The following HDAC7 variants were observed in gnomAD, a reference collection of about 807,000 sequenced individuals.
HDAC7 encodes the protein histone deacetylase 7, also known as histone deacetylase 7A.
Under a neutral mutation model 115.5 loss-of-function variants are expected in HDAC7, and 26 were observed. That is an observed-to-expected ratio of 0.23 (90% CI 0.16 to 0.31). The LOEUF (loss-of-function observed/expected upper bound fraction) is 0.31, where lower values mean the gene tolerates loss of function less well. Among genes scored for constraint, HDAC7 ranks in the 10% least tolerant of loss-of-function variants. The probability of loss-of-function intolerance (pLI) is 1.00; values close to 1 mark genes in which losing one functional copy is unlikely to be tolerated. For synonymous variants in HDAC7, 564 were observed against 550.9 expected (o/e 1.02, Z -0.33); for missense variants, 1,068 against 1,329.0 (o/e 0.80, Z 3.05).
At position 47,797,275 on chromosome 12, in the gene HDAC7, ATGATC is replaced by A; in HGVS notation, c.577+104_577+108del. On this transcript the variant is annotated intron_variant, in intron 6 of 25. Coordinates refer to ENST00000080059, the MANE Select transcript of HDAC7 (RefSeq NM_015401.5). The surrounding 1 kb of genome is among the most constrained non-coding windows in gnomAD (Gnocchi z 5.5). ...CTAGAAAGAAGATCCTAGCCTACCGATGATCTCCTGGCCCAGCCCAGCCCGCCCAC... is the reference window on the plus strand; with the variant it reads ...CTAGAAAGAAGATCCTAGCCTACCGATCCTGGCCCAGCCCAGCCCGCCCAC... The A allele has an allele frequency of 6.4e-7, 1 of 1,550,490 alleles. No homozygotes were observed. Among genetic ancestry groups the A allele is most frequent in the Admixed American group, 1.7e-5 (1 of 58,134 alleles).
Position 47,785,475 on chromosome 12 carries a change from T to C in HDAC7, c.2707-4A>G, listed in dbSNP as rs764318230. ...CTTCTTCTGAAAGGGGATCCACCTATAGAAAACAGTACATCAGCCACCAGT... is the reference window on the plus strand; with the variant it reads ...CTTCTTCTGAAAGGGGATCCACCTACAGAAAACAGTACATCAGCCACCAGT... On this transcript the variant is annotated splice_region_variant and splice_polypyrimidine_tract_variant and intron_variant, in intron 23 of 25. Transcript: ENST00000080059. The C allele has an allele frequency of 5.6e-6, 9 of 1,609,068 alleles. No individual in the cohort carries two copies. The South Asian group carries it at 6.6e-5, about 12-fold the overall frequency.
chr12:47,789,193 C>G (rs2136924084), intron 19 of HDAC7, 68 bp downstream of exon 19: 1 of 1,216,084 alleles, frequency 8.2e-7, no homozygotes, highest in South Asian at 1.2e-5. Flanking sequence ...AGCCGCATCT[C>G]TAACATCAGG....
chr12:47,784,783 C>T, intron 24 of HDAC7: 1 of 1,535,450 alleles, frequency 6.5e-7, no homozygotes, highest in Admixed American at 2.0e-5. Context: ...TGGAATCTGG[C>T]TCAGTGTGAG....
At chr12:47,807,291 TC>T (rs1316860787) in intron 1 of HDAC7, among the ~76,000 whole-genome samples, 1 of 152,176 alleles carries the variant, frequency 6.6e-6, no homozygotes, top group Non-Finnish European at 1.5e-5. Flanking sequence ...CTCTTCCCTT[TC>T]TCTTCCACCT....
intron 1 of HDAC7, among the ~76,000 whole-genome samples, chr12:47,808,673 T>C (rs1565583164): frequency 6.6e-6 from 1 of 152,134 alleles, no homozygotes; most frequent in Non-Finnish European, 1.5e-5. Flanking sequence ...TGCAAGTCCA[T>C]TGTGAAGGGG....
At position 47,798,908 on chromosome 12, in the gene HDAC7, G is replaced by C; in HGVS notation, c.135C>G (p.Gly45=). Reference sequence around the variant, plus strand: ...GTGGGGGCTCCACTGGGGGCCGCTGGCCCACCCGCAGGTCCATGGGCTGCG... The same window carrying C: ...GTGGGGGCTCCACTGGGGGCCGCTGCCCCACCCGCAGGTCCATGGGCTGCG... ...PQPQPMDLRV[G]QRPPVEPPPE... Residue 45 remains glycine, a synonymous_variant, in exon 3 of 26, where the codon GGC becomes GGG. Coordinates refer to ENST00000080059, the MANE Select transcript of HDAC7 (RefSeq NM_015401.5). The surrounding 1 kb of genome is among the most constrained non-coding windows in gnomAD (Gnocchi z 4.3). 6.5e-7 allele frequency: 1 copy of C among 1,534,658 alleles called. No homozygotes were observed. The highest frequency in any genetic ancestry group is 8.7e-7 in the Non-Finnish European group (1 of 1,145,108).
At position 47,798,659 on chromosome 12, in the gene HDAC7, G is replaced by T. The variant is rs1311163355; in HGVS notation, c.259-7C>A. On this transcript the variant is annotated splice_polypyrimidine_tract_variant and splice_region_variant and intron_variant, in intron 3 of 25. Transcript: ENST00000080059. This position sits in a 1 kb window ranked among gnomAD's most constrained non-coding sequence, Gnocchi z 4.3. ...TCGGCGTGTCCATGGAGAGCTGTGGGCAGGGCCGGCAGCCCAGAAAGGGAC... is the reference window on the plus strand; with the variant it reads ...TCGGCGTGTCCATGGAGAGCTGTGGTCAGGGCCGGCAGCCCAGAAAGGGAC... The T allele has an allele frequency of 6.2e-7, 1 of 1,610,348 alleles. No individual in the cohort carries two copies. Among genetic ancestry groups the T allele is most frequent in the South Asian group, 1.1e-5 (1 of 90,312 alleles).
intron 1 of HDAC7, among the ~76,000 whole-genome samples, chr12:47,808,203 A>C (rs924056896): frequency 2.0e-5 from 3 of 152,040 alleles, no homozygotes; most frequent in Non-Finnish European, 4.4e-5. Context: ...AGCTCTTGAC[A>C]CCTGGGTATT....
At chr12:47,787,571 ATT>A in intron 21 of HDAC7, 139 bp downstream of exon 21, 1 of 621,434 alleles carries the variant, frequency 1.6e-6, no homozygotes, top group Non-Finnish European at 2.9e-6. Flanking sequence ...TGTTTGTCCT[ATT>A]CTCACTGGCG....
At position 47,803,882 on chromosome 12, in the gene HDAC7, C is replaced by A. The variant is rs1944277985; in HGVS notation, c.20-1608G>T. On this transcript the variant is annotated intron_variant, in intron 1 of 25. Coordinates refer to ENST00000080059, the MANE Select transcript of HDAC7 (RefSeq NM_015401.5). This position sits in a 1 kb window ranked among gnomAD's most constrained non-coding sequence, Gnocchi z 4.0. The stretch of plus-strand genomic sequence containing the variant: ...TTCTTAGTACCTCTTCTTTCTTCTG[C>A]AGGACCTGGTCCTCCCAGAGGTTTC... Among the ~76,000 whole-genome samples, 1 of 152,206 alleles carries A rather than the reference C, an allele frequency of 6.6e-6. No individual in the cohort carries two copies. Among genetic ancestry groups the A allele is most frequent in the African/African-American group, 2.4e-5 (1 of 41,450 alleles).
intron 19 of HDAC7, 71 bp downstream of exon 19, chr12:47,789,190 T>A (rs1259153982): frequency 2.6e-6 from 3 of 1,166,166 alleles, no homozygotes; most frequent in Admixed American, 1.8e-5. Context: ...TGAAGCCGCA[T>A]CTCTAACATC....
At chr12:47,791,562 G>A (rs1943516228) in intron 15 of HDAC7, 24 bp downstream of exon 15, 1 of 1,592,670 alleles carries the variant, frequency 6.3e-7, no homozygotes, top group Non-Finnish European at 8.6e-7. Context: ...CTGGCATGGG[G>A]AGACAGGGCC....
chr12:47,813,384 A>C (rs1944753382), intron 1 of HDAC7: 1 of 152,430 alleles, frequency 6.6e-6, no homozygotes. Context: ...TGTCACTCCC[A>C]GACTGCCCTG....
Position 47,788,111 on chromosome 12 carries a change from C to T in HDAC7, c.2289G>A (p.Val763=), listed in dbSNP as rs969404886. 6.2e-7 allele frequency: 1 copy of T among 1,613,684 alleles called. No homozygotes were observed. The highest frequency in any genetic ancestry group is 1.3e-5 in the African/African-American group (1 of 75,042). Residue 763 remains valine (V), a synonymous_variant, in exon 20 of 26, where the codon GTG becomes GTA. Coordinates refer to ENST00000080059, the MANE Select transcript of HDAC7 (RefSeq NM_015401.5). The stretch of plus-strand genomic sequence containing the variant: ...CATGGCGATGCAGGGAGATGTAGAG[C>T]ACACTGGGGTCTTGGTAGAAGGTTT... The part of the protein sequence containing the change: ...TQQTFYQDPS[V]LYISLHRHDD...
chr12:47,783,549 G>T lies in HDAC7; in HGVS notation c.*292C>A. ...AGCCAGTCCTCCTCTGTGCAGTCCTGAGGAATGGGGGCCACAGCCAGGGCC... is the reference window on the plus strand; with the variant it reads ...AGCCAGTCCTCCTCTGTGCAGTCCTTAGGAATGGGGGCCACAGCCAGGGCC... On this transcript the variant is annotated 3_prime_UTR_variant, in exon 26 of 26. Transcript: ENST00000080059. 2.1e-6 allele frequency: 1 copy of T among 474,592 alleles called. No homozygotes were observed. 29.4% of individuals were successfully genotyped at this position (474,592 alleles called of 1,614,324 possible).
chr12:47,810,285 T>C (rs970290481), intron 1 of HDAC7, among the ~76,000 whole-genome samples: 12 of 152,326 alleles, frequency 7.9e-5, no homozygotes, highest in Middle Eastern at 3.4e-3. Context: ...ATGAGGAAAC[T>C]AAGGCTAAGA....
At position 47,794,764 on chromosome 12, in the gene HDAC7, GGGTGCTGCT is replaced by G; in HGVS notation, c.1445_1453del (p.Gln482_His484del). The G allele has an allele frequency of 6.3e-7, 1 of 1,596,270 alleles. No homozygotes were observed. Among genetic ancestry groups the G allele is most frequent in the Non-Finnish European group, 8.5e-7 (1 of 1,172,592 alleles). ...GGCAGGTGGGGACTGCCATACCTGAGGGTGCTGCTGGAGAGGAGCGGGGCCTCTGGCCTC... is the reference window on the plus strand; with the variant it reads ...GGCAGGTGGGGACTGCCATACCTGAGGGAGAGGAGCGGGGCCTCTGGCCTC... On this transcript the variant is annotated inframe_deletion, in exon 12 of 26. Transcript: ENST00000080059.
intron 1 of HDAC7, chr12:47,802,532 G>A (rs764669119): frequency 6.5e-7 from 1 of 1,533,542 alleles, no homozygotes; most frequent in Non-Finnish European, 8.8e-7. Context: ...TCAGACTACA[G>A]CAAGAACCTA....
rs531876255 is a variant in HDAC7, at chr12:47,801,271, T to C, written c.70+953A>G. On this transcript the variant is annotated intron_variant, in intron 2 of 25. Transcript: ENST00000080059. ...GGGAGTTGGTTTCATGCTTTGTTTA[T>C]TATTCCTAGCACCTGGAATAGTACC... 7.9e-5 allele frequency among the ~76,000 whole-genome samples: 12 copies of C among 152,324 alleles called. No individual in the cohort carries two copies. In the South Asian group the frequency reaches 2.1e-3, roughly 26 times the overall value.
Sources: allele counts gnomAD v4.1 joint callset (sites outside exome capture counted in the v4.1 genomes callset), GRCh38; gene constraint gnomAD v4.1.1; non-coding constraint Gnocchi (gnomAD v3.1); transcripts MANE v1.5; gene names NCBI Gene and HGNC (gene_info 2026-07-23, HGNC 2026-07-21).